C1orf185: variants seen among roughly 807,000 people sequenced by gnomAD.
C1orf185 encodes chromosome 1 open reading frame 185, also known as uncharacterized protein C1orf185.
Under a neutral mutation model 16.1 loss-of-function variants are expected in C1orf185, and 13 were observed. The observed-to-expected ratio is 0.81, with a 90% CI of 0.53 to 1.28. The LOEUF (loss-of-function observed/expected upper bound fraction) is 1.28. C1orf185 is among the 50% of genes most tolerant of loss of function. The probability of loss-of-function intolerance (pLI) is 0.00; values close to 1 mark genes in which losing one functional copy is unlikely to be tolerated. For missense variants in C1orf185, 220 were observed against 225.2 expected (o/e 0.98, Z 0.15); for synonymous variants, 80 against 76.9 (o/e 1.04, Z -0.21).
chr1:51,142,154 A>G (rs1279931734), intron 3 of C1orf185, among the ~76,000 whole-genome samples: 1 of 152,224 alleles, frequency 6.6e-6, no homozygotes, highest in Non-Finnish European at 1.5e-5. Context: ...CATATAATCT[A>G]AAATCCATAT....
At chr1:51,148,107 A>G (rs1646412945), downstream of C1orf185, 1 of 190,046 alleles carries the variant, frequency 5.3e-6, no homozygotes, top group Non-Finnish European at 1.1e-5. Flanking sequence ...ACATTTAAAA[A>G]TCTTCAGCAC....
intron 3 of C1orf185, among the ~76,000 whole-genome samples, chr1:51,124,956 G>A (rs1213561640): frequency 6.6e-6 from 1 of 152,178 alleles, no homozygotes; most frequent in East Asian, 1.9e-4. Context: ...TAATCTTAAA[G>A]GGTCTGTGGA....
intron 3 of C1orf185, among the ~76,000 whole-genome samples, chr1:51,135,580 G>A (rs557681622): frequency 3.5e-4 from 54 of 152,206 alleles, no homozygotes; most frequent in Admixed American, 2.0e-3. Context: ...AATAGATGCC[G>A]AAAAGCCTTT....
chr1:51,115,307 G>A (rs1262809048), intron 2 of C1orf185, among the ~76,000 whole-genome samples: 1 of 152,040 alleles, frequency 6.6e-6, no homozygotes, highest in Non-Finnish European at 1.5e-5. Context: ...CACTGCACTC[G>A]AGCCTGGGCA....
intron 3 of C1orf185, among the ~76,000 whole-genome samples, chr1:51,125,290 T>C (rs1646232233): frequency 6.6e-6 from 1 of 152,160 alleles, no homozygotes; most frequent in African/African-American, 2.4e-5. Flanking sequence ...CTTTCAGTCT[T>C]TTAGGGGGTT....
At chr1:51,140,381 A>G (rs544931565) in intron 3 of C1orf185, among the ~76,000 whole-genome samples, 1 of 152,316 alleles carries the variant, frequency 6.6e-6, no homozygotes, top group Admixed American at 6.5e-5. Context: ...GAGGGAAAAT[A>G]TGCCTTCTGG....
At chr1:51,119,522 C>A (rs927521080) in intron 3 of C1orf185, among the ~76,000 whole-genome samples, 1 of 152,208 alleles carries the variant, frequency 6.6e-6, no homozygotes, top group Non-Finnish European at 1.5e-5. Context: ...CTGGCCATGG[C>A]AGCTCATGCC....
At chr1:51,131,621 G>A (rs1646285918) in intron 3 of C1orf185, among the ~76,000 whole-genome samples, 1 of 151,084 alleles carries the variant, frequency 6.6e-6, no homozygotes, top group African/African-American at 2.4e-5. Context: ...CAAAAAGAAA[G>A]AGAGAGAGAG....
chr1:51,105,458 T>C (rs774295356), intron 1 of C1orf185, among the ~76,000 whole-genome samples: 1 of 152,214 alleles, frequency 6.6e-6, no homozygotes, highest in Non-Finnish European at 1.5e-5. Context: ...TTAAAAAATA[T>C]GTATGTCCTT....
chr1:51,104,354 T>C (rs1646054280), intron 1 of C1orf185, among the ~76,000 whole-genome samples: 1 of 152,182 alleles, frequency 6.6e-6, no homozygotes, highest in African/African-American at 2.4e-5. Context: ...GTACAAATAC[T>C]TAGTACTTCT....
chr1:51,124,077 G>GTTT (rs1345838180), intron 3 of C1orf185, among the ~76,000 whole-genome samples: 12 of 137,068 alleles, frequency 8.8e-5, no homozygotes, highest in African/African-American at 1.1e-4. Context: ...TTTCACTGTA[G>GTTT]TTTGTTTTTT....
At chr1:51,125,994 A>C (rs1160104224) in intron 3 of C1orf185, among the ~76,000 whole-genome samples, 2 of 152,060 alleles carry the variant, frequency 1.3e-5, no homozygotes, top group East Asian at 3.9e-4. Flanking sequence ...CCCAGCTCTA[A>C]AAACAAAAAA....
At chr1:51,127,505 C>T (rs975956934) in intron 3 of C1orf185, among the ~76,000 whole-genome samples, 5 of 152,096 alleles carry the variant, frequency 3.3e-5, no homozygotes, top group African/African-American at 1.2e-4. Flanking sequence ...AGGCTAGTCT[C>T]GAGCTCCTGA....
At chr1:51,132,411 A>C (rs944306394) in intron 3 of C1orf185, among the ~76,000 whole-genome samples, 1 of 152,208 alleles carries the variant, frequency 6.6e-6, no homozygotes, top group African/African-American at 2.4e-5. Context: ...AACCTGATAG[A>C]GCTGAAAAAC....
downstream of C1orf185, among the ~76,000 whole-genome samples, chr1:51,151,257 A>G (rs776845812): frequency 3.9e-5 from 6 of 152,200 alleles, no homozygotes; most frequent in Non-Finnish European, 5.9e-5. Context: ...TTCCATCAGG[A>G]CTTTCCCTAT....
chr1:51,106,883 G>A (rs554714838), intron 1 of C1orf185, among the ~76,000 whole-genome samples: 4 of 150,852 alleles, frequency 2.7e-5, no homozygotes, highest in East Asian at 2.0e-4. Flanking sequence ...TCAGCCTCCC[G>A]AGTAACTGGG....
chr1:51,151,189 A>G (rs1646428035), downstream of C1orf185, among the ~76,000 whole-genome samples: 1 of 152,248 alleles, frequency 6.6e-6, no homozygotes, highest in Non-Finnish European at 1.5e-5. Context: ...TTGAACAACT[A>G]AATGTAGGAA....
At chr1:51,118,581 T>A (rs1399672070) in intron 2 of C1orf185, 85 bp from the exon 3 acceptor site, 3 of 847,058 alleles carry the variant, frequency 3.5e-6, no homozygotes, top group Non-Finnish European at 4.9e-6. Flanking sequence ...TTTAAAGCTT[T>A]ATGTATAAAT....
rs1469849664 is a variant in C1orf185, at chr1:51,127,327, C to T, written c.258+8526C>T. Among the ~76,000 whole-genome samples, 3 of 151,328 alleles carry T rather than the reference C, an allele frequency of 2.0e-5. 1 individual carries two copies. Among genetic ancestry groups the T allele is most frequent in the African/African-American group, 7.3e-5 (3 of 41,054 alleles). On this transcript the variant is annotated intron_variant, in intron 3 of 4. Transcript: ENST00000371759. ...GTGTGAGATGGAGTTTCGCTCTTGT[C>T]GCCCAAGCTGGAGTGCAATGATGCA...
Sources: gnomAD v4.1 joint callset for allele counts (sites outside exome capture counted in the v4.1 genomes callset) on GRCh38, gnomAD v4.1.1 for gene constraint, MANE v1.5 for transcripts, NCBI Gene and HGNC (gene_info 2026-07-23, HGNC 2026-07-21) for gene names.